C8orf34: variants seen among roughly 807,000 people sequenced by gnomAD.
C8orf34 encodes uncharacterized protein C8orf34.
A neutral mutation model predicts 68.3 loss-of-function variants in C8orf34; 65 were observed. The ratio of observed to expected loss-of-function variants is 0.95; its 90% CI spans 0.78 to 1.17. The LOEUF (loss-of-function observed/expected upper bound fraction) is 1.17. Ranked by LOEUF, C8orf34 falls within the 50% of genes most tolerant of loss-of-function variation. C8orf34 has a pLI of 0.00. For synonymous variants in C8orf34, 244 were observed against 241.2 expected (o/e 1.01, Z -0.11); for missense variants, 664 against 655.4 (o/e 1.01, Z -0.14).
intron 10 of C8orf34, among the ~76,000 whole-genome samples, chr8:68,746,292 C>A (rs201320012): frequency 1.5e-5 from 2 of 132,288 alleles, no homozygotes; most frequent in African/African-American, 5.7e-5. Flanking sequence ...AGGAAAGATC[C>A]AAAATTGACA....
chr8:68,812,054 T>C (rs972728223), intron 12 of C8orf34, among the ~76,000 whole-genome samples: 14 of 152,124 alleles, frequency 9.2e-5, no homozygotes, highest in Admixed American at 2.6e-4. Flanking sequence ...AAGAAAACAC[T>C]ATAAAATAAG....
chr8:68,422,529 G>T lies in C8orf34; in HGVS notation c.328-16970G>T, dbSNP rs117181855. 3.0e-4 allele frequency among the ~76,000 whole-genome samples: 46 copies of T among 152,304 alleles called. No individual in the cohort carries two copies. The East Asian group carries it at 6.0e-3, about 20-fold the overall frequency. On this transcript the variant is annotated intron_variant, in intron 1 of 13. Transcript: ENST00000518698. ...TGGGCAGCTCTACTCCTGTGGTTTT[G>T]CAGGGTACAGCCCACCTCCCAGCTG...
intron 12 of C8orf34, among the ~76,000 whole-genome samples, chr8:68,803,261 T>C (rs563631914): frequency 1.3e-5 from 2 of 151,210 alleles, no homozygotes; most frequent in East Asian, 4.0e-4. Context: ...TCTAAACAAA[T>C]TGGTACTAAA....
chr8:68,669,474 T>G (rs1049663695), intron 8 of C8orf34, among the ~76,000 whole-genome samples: 4 of 152,228 alleles, frequency 2.6e-5, no homozygotes, highest in Admixed American at 2.6e-4. Flanking sequence ...ATTCGTATTC[T>G]ACTTTATTTC....
chr8:68,776,542 G>T, intron 11 of C8orf34, 93 bp downstream of exon 11: 1 of 963,284 alleles, frequency 1.0e-6, no homozygotes, highest in South Asian at 1.4e-5. Flanking sequence ...TACTTGTAGG[G>T]TTTCTAGTCT....
intron 1 of C8orf34, among the ~76,000 whole-genome samples, chr8:68,372,461 G>A (rs1203473906): frequency 6.6e-6 from 1 of 152,046 alleles, no homozygotes; most frequent in East Asian, 1.9e-4. Flanking sequence ...AATGAGAATG[G>A]TTCTCCAATG....
intron 12 of C8orf34, chr8:68,792,113 A>G (rs1247128270): frequency 2.0e-5 from 3 of 152,198 alleles, no homozygotes; most frequent in African/African-American, 7.2e-5. Flanking sequence ...AGATTTAAAT[A>G]TCAACTCCTG....
At position 68,366,430 on chromosome 8, in the gene C8orf34, G is replaced by A. The variant is rs1486406457; in HGVS notation, c.327+35091G>A. ...TTCATATGGAACCAAAAAAGAGCCC[G>A]CATCGCCAAGTCAATCCTAAGCCAA... is the stretch of plus-strand genomic sequence containing the variant. On this transcript the variant is annotated intron_variant, in intron 1 of 13. Transcript: ENST00000518698. Among the ~76,000 whole-genome samples, 9 of 136,344 alleles carry A rather than the reference G, an allele frequency of 6.6e-5. No homozygotes were observed. In the East Asian group the frequency reaches 1.6e-3, roughly 24 times the overall value. The allele number at this position is 136,344 out of a possible 152,430, so 89.4% of individuals were successfully genotyped here.
At chr8:68,582,717 A>G (rs1268956648) in intron 7 of C8orf34, among the ~76,000 whole-genome samples, 5 of 151,998 alleles carry the variant, frequency 3.3e-5, no homozygotes, top group Non-Finnish European at 7.4e-5. Flanking sequence ...TACTCTCAAC[A>G]TTTCTAAACT....
chr8:68,670,665 C>G (rs528202090), intron 8 of C8orf34, among the ~76,000 whole-genome samples: 1 of 152,262 alleles, frequency 6.6e-6, no homozygotes, highest in South Asian at 2.1e-4. Context: ...GTCTCACCCC[C>G]CATTTCCCTC....
rs373613973 is a variant in C8orf34, at chr8:68,720,479, A to G, written c.1328-882A>G. 2.6e-4 allele frequency among the ~76,000 whole-genome samples: 39 copies of G among 152,044 alleles called. 1 individual carries two copies. The East Asian group carries it at 2.9e-3, about 11-fold the overall frequency. The stretch of plus-strand genomic sequence containing the variant: ...TTATGCAACAGAAAAATCTGTCTCC[A>G]TATGTACATAAAGCTAAAGGAAAAT... On this transcript the variant is annotated intron_variant, in intron 9 of 13. Transcript: ENST00000518698.
At chr8:68,590,588 T>C (rs1351170279) in intron 7 of C8orf34, among the ~76,000 whole-genome samples, 1 of 152,186 alleles carries the variant, frequency 6.6e-6, no homozygotes, top group Admixed American at 6.5e-5. Context: ...CGAAGCCAAC[T>C]GCAAGATATT....
At chr8:68,712,582 A>G (rs995132004) in intron 9 of C8orf34, among the ~76,000 whole-genome samples, 1 of 152,190 alleles carries the variant, frequency 6.6e-6, no homozygotes, top group African/African-American at 2.4e-5. Flanking sequence ...AACAGCAGTT[A>G]AAAATAAACA....
At chr8:68,631,976 C>T (rs1462928569) in intron 7 of C8orf34, among the ~76,000 whole-genome samples, 1 of 152,036 alleles carries the variant, frequency 6.6e-6, no homozygotes. Context: ...AAATTGGTAC[C>T]AGGAATGAGG....
chr8:68,691,428 T>C (rs976020940), intron 8 of C8orf34, among the ~76,000 whole-genome samples: 14 of 152,130 alleles, frequency 9.2e-5, no homozygotes, highest in African/African-American at 1.4e-4. Context: ...TTTTTGTGAC[T>C]ACCTTTATTG....
At chr8:68,625,280 A>G (rs913282633) in intron 7 of C8orf34, among the ~76,000 whole-genome samples, 1 of 152,150 alleles carries the variant, frequency 6.6e-6, no homozygotes, top group Non-Finnish European at 1.5e-5. Flanking sequence ...AAAGGAATAT[A>G]TTATGTAGCT....
At chr8:68,797,999 A>G (rs1286747270) in intron 12 of C8orf34, among the ~76,000 whole-genome samples, 1 of 152,242 alleles carries the variant, frequency 6.6e-6, no homozygotes, top group Non-Finnish European at 1.5e-5. Flanking sequence ...CAATAGTAGT[A>G]CAATAAAAAC....
At chr8:68,786,972 G>A (rs575760913) in intron 11 of C8orf34, among the ~76,000 whole-genome samples, 103 of 152,226 alleles carry the variant, frequency 6.8e-4, no homozygotes, top group African/African-American at 2.4e-3. Flanking sequence ...TGAGAAATAT[G>A]TTAACAAACT....
chr8:68,696,545 G>A (rs1056450967), intron 8 of C8orf34, among the ~76,000 whole-genome samples: 1 of 151,600 alleles, frequency 6.6e-6, no homozygotes, highest in Non-Finnish European at 1.5e-5. Flanking sequence ...TGATTCAGAA[G>A]AGATACAAAA....
Sources: allele counts gnomAD v4.1 joint callset (sites outside exome capture counted in the v4.1 genomes callset), GRCh38; gene constraint gnomAD v4.1.1; transcripts MANE v1.5; gene names NCBI Gene and HGNC (gene_info 2026-07-23, HGNC 2026-07-21).